The following POLR3B variants were observed in gnomAD, a reference collection of about 807,000 sequenced individuals.
POLR3B encodes the protein DNA-directed RNA polymerase III subunit RPC2.
In POLR3B, 96 loss-of-function variants were observed where a neutral mutation model predicts 147.4. The ratio of observed to expected loss-of-function variants is 0.65; its 90% CI spans 0.55 to 0.77. The LOEUF is 0.77. POLR3B is among the 30% of genes least tolerant of loss of function. The pLI is 0.00. For missense variants in POLR3B, 1,036 were observed against 1,413.5 expected, an observed-to-expected ratio of 0.73 and a Z score of 4.28; for synonymous variants, 461 against 485.9, an observed-to-expected ratio of 0.95 and a Z score of 0.67.
chr12:106,446,491 CCA>C (rs2037727117), intron 19 of POLR3B, among the ~76,000 whole-genome samples: 2 of 150,556 alleles, frequency 1.3e-5, no homozygotes, highest in East Asian at 3.9e-4. Context: ...TGGTTAGTTA[CCA>C]CACACAGTTA....
intron 12 of POLR3B, among the ~76,000 whole-genome samples, chr12:106,424,616 T>C (rs556677558): frequency 1.3e-4 from 20 of 152,308 alleles, no homozygotes; most frequent in Middle Eastern, 3.4e-3. Flanking sequence ...AAATGCTTGC[T>C]AGATTTTTTT....
chr12:106,450,857 C>T (rs2037785446), intron 19 of POLR3B, among the ~76,000 whole-genome samples: 1 of 151,988 alleles, frequency 6.6e-6, no homozygotes, highest in Non-Finnish European at 1.5e-5. Context: ...AATATTTACC[C>T]AAGTAATGAA....
At position 106,496,885 on chromosome 12, in the gene POLR3B, T is replaced by C. The variant is rs984163783; in HGVS notation, c.2951T>C (p.Leu984Ser). The change falls in exon 25 of 28, where the codon TTG becomes TCG. Residue 984 changes from leucine (L) to serine (S), a missense_variant. By Grantham distance (145) the Leu-to-Ser change is moderately radical (BLOSUM62 -2). Transcript: ENST00000228347. ...CTCGTTCGCCATGGTTATAACTACTTGGGGAAAGACTATGTTACATCCGGC... is the reference window on the plus strand; with the variant it reads ...CTCGTTCGCCATGGTTATAACTACTCGGGGAAAGACTATGTTACATCCGGC... Reference protein sequence around the residue: ...EDLVRHGYNYLGKDYVTSGIT... With the variant: ...EDLVRHGYNYSGKDYVTSGIT... The C allele has an allele frequency of 6.2e-7, 1 of 1,614,006 alleles. No homozygotes were observed. Among genetic ancestry groups the C allele is most frequent in the Admixed American group, 1.7e-5 (1 of 60,004 alleles).
At chr12:106,421,647 A>G (rs1379759428) in intron 12 of POLR3B, among the ~76,000 whole-genome samples, 1 of 151,710 alleles carries the variant, frequency 6.6e-6, no homozygotes, top group Non-Finnish European at 1.5e-5. Context: ...TTTTTGTTAT[A>G]TGTGTTGCAG....
intron 15 of POLR3B, 147 bp from the exon 16 acceptor site, chr12:106,433,572 G>T: frequency 1.6e-6 from 1 of 636,110 alleles, no homozygotes; most frequent in East Asian, 2.8e-5. Flanking sequence ...TTGCTTCCCT[G>T]CAACCTTGTG....
chr12:106,504,278 C>A lies in POLR3B; in HGVS notation c.3272+24C>A. The A allele has an allele frequency of 6.3e-7, 1 of 1,581,776 alleles. No individual in the cohort carries two copies. Among genetic ancestry groups the A allele is most frequent in the Non-Finnish European group, 8.7e-7 (1 of 1,150,470 alleles). On this transcript the variant is annotated intron_variant, in intron 27 of 27. Coordinates refer to ENST00000228347, the MANE Select transcript of POLR3B (RefSeq NM_018082.6). The surrounding 1 kb of genome is among the most constrained non-coding windows in gnomAD (Gnocchi z 4.6). Reference sequence around the variant, plus strand: ...TGGTAAGTGGATACCATATGTCTCCCATACCACACCCCTTGCCTCTTAAAT... The same window carrying A: ...TGGTAAGTGGATACCATATGTCTCCAATACCACACCCCTTGCCTCTTAAAT...
intron 14 of POLR3B, among the ~76,000 whole-genome samples, chr12:106,430,859 A>G (rs2037501210): frequency 1.3e-5 from 2 of 152,290 alleles, no homozygotes; most frequent in South Asian, 4.2e-4. Flanking sequence ...AGGCTCAGTC[A>G]CAGCCAATTA....
intron 19 of POLR3B, among the ~76,000 whole-genome samples, chr12:106,453,725 A>T (rs1415987606): frequency 1.3e-5 from 2 of 152,112 alleles, no homozygotes; most frequent in Non-Finnish European, 2.9e-5. Flanking sequence ...TGTGTTTATA[A>T]GGGGAAATGA....
intron 25 of POLR3B, among the ~76,000 whole-genome samples, chr12:106,498,523 G>A (rs2038536007): frequency 6.6e-6 from 1 of 151,878 alleles, no homozygotes; most frequent in Non-Finnish European, 1.5e-5. Context: ...TGTTTCTAGT[G>A]TTCTTCTGGG....
chr12:106,416,166 C>T (rs2037299543), intron 12 of POLR3B, among the ~76,000 whole-genome samples: 1 of 152,076 alleles, frequency 6.6e-6, no homozygotes, highest in Non-Finnish European at 1.5e-5. Context: ...GCAGTTATGT[C>T]CGAGAATGTT....
At chr12:106,439,919 T>C (rs192715286) in intron 18 of POLR3B, among the ~76,000 whole-genome samples, 61 of 151,688 alleles carry the variant, frequency 4.0e-4, no homozygotes, top group African/African-American at 1.3e-3. Context: ...GTTAGCCAAG[T>C]GTTGTGGTGT....
chr12:106,391,838 C>CT (rs1416803187), intron 9 of POLR3B, among the ~76,000 whole-genome samples: 7 of 152,258 alleles, frequency 4.6e-5, no homozygotes, highest in African/African-American at 1.4e-4. Flanking sequence ...CCCTTCCTTT[C>CT]TTTTTTGTGT....
chr12:106,424,267 T>G (rs1315572425), intron 12 of POLR3B, among the ~76,000 whole-genome samples: 1 of 152,206 alleles, frequency 6.6e-6, no homozygotes, highest in Non-Finnish European at 1.5e-5. Context: ...GTTTAGTTTT[T>G]GGGACTAGAA....
chr12:106,427,432 C>A, intron 13 of POLR3B, 74 bp downstream of exon 13: 1 of 1,312,520 alleles, frequency 7.6e-7, no homozygotes, highest in Non-Finnish European at 1.1e-6. Flanking sequence ...AAACTTAAAG[C>A]ACTTTGAGAA....
chr12:106,377,905 T>C (rs2036702341), intron 7 of POLR3B, among the ~76,000 whole-genome samples: 1 of 152,054 alleles, frequency 6.6e-6, no homozygotes, highest in Admixed American at 6.6e-5. Context: ...CTGAGAAGCA[T>C]AGTGAGACCC....
intron 9 of POLR3B, among the ~76,000 whole-genome samples, chr12:106,387,091 T>C (rs1242803510): frequency 6.6e-6 from 1 of 152,242 alleles, no homozygotes; most frequent in Non-Finnish European, 1.5e-5. Flanking sequence ...TTTCTGATTA[T>C]AAAAACATTC....
chr12:106,411,319 G>A (rs1029709028), intron 12 of POLR3B, among the ~76,000 whole-genome samples: 22 of 152,006 alleles, frequency 1.4e-4, no homozygotes, highest in Admixed American at 5.9e-4. Context: ...TGTATTTTTG[G>A]TAGAGATGGG....
At position 106,430,702 on chromosome 12, in the gene POLR3B, T is replaced by C. The variant is rs142254644; in HGVS notation, c.1464+229T>C. Among the ~76,000 whole-genome samples the C allele has an allele frequency of 1.4e-3, 215 of 152,342 alleles. 1 individual carries two copies. The highest frequency in any genetic ancestry group is 4.9e-3 in the African/African-American group (204 of 41,574). ...TTCAGTATGTTAGCTAAAAGTAATA[T>C]AGTCCATGTTTCTCTTTATTATTTT... On this transcript the variant is annotated intron_variant, in intron 14 of 27. Transcript: ENST00000228347.
intron 23 of POLR3B, among the ~76,000 whole-genome samples, chr12:106,487,257 G>GGTTT (rs769927584): frequency 7.9e-5 from 12 of 152,304 alleles, no homozygotes; most frequent in African/African-American, 2.2e-4. Context: ...TTCCTGCAGA[G>GGTTT]GTTTGTTTGT....
Sources: gnomAD v4.1 joint callset for allele counts (sites outside exome capture counted in the v4.1 genomes callset) on GRCh38, gnomAD v4.1.1 for gene constraint, Gnocchi (gnomAD v3.1) non-coding constraint, MANE v1.5 for transcripts, NCBI Gene and HGNC (gene_info 2026-07-23, HGNC 2026-07-21) for gene names.